FRAS1: variants seen among roughly 807,000 people sequenced by gnomAD.
FRAS1 encodes extracellular matrix organizing protein FRAS1.
FRAS1 carries 290 observed loss-of-function variants against 435.2 expected under a neutral mutation model. The observed-to-expected ratio is 0.67, with a 90% CI of 0.61 to 0.73. The LOEUF is 0.73. Ranked by LOEUF, FRAS1 falls within the 30% of genes least tolerant of loss-of-function variation. FRAS1 has a pLI of 0.00. For missense variants in FRAS1, 4,860 were observed against 5,001.5 expected, an observed-to-expected ratio of 0.97 and a Z score of 0.85; for synonymous variants, 1,800 against 1,851.0, an observed-to-expected ratio of 0.97 and a Z score of 0.71.
chr4:78,377,897 C>G (rs1443260099), intron 26 of FRAS1, among the ~76,000 whole-genome samples: 1 of 151,282 alleles, frequency 6.6e-6, no homozygotes, highest in South Asian at 2.1e-4. Flanking sequence ...TAAAAGATCC[C>G]TATATGATTC....
intron 2 of FRAS1, among the ~76,000 whole-genome samples, chr4:78,163,250 G>A (rs2110026986): frequency 6.6e-6 from 1 of 152,178 alleles, no homozygotes; most frequent in Non-Finnish European, 1.5e-5. Flanking sequence ...CTTTTTATGA[G>A]TAAATTTACA....
intron 2 of FRAS1, among the ~76,000 whole-genome samples, chr4:78,080,269 G>A (rs1273245733): frequency 3.3e-5 from 5 of 152,116 alleles, no homozygotes; most frequent in South Asian, 2.1e-4. Context: ...AAAGCCGACT[G>A]CTTGCTGTCT....
At chr4:78,271,889 C>G (rs1318405624) in intron 9 of FRAS1, among the ~76,000 whole-genome samples, 1 of 152,226 alleles carries the variant, frequency 6.6e-6, no homozygotes, top group Non-Finnish European at 1.5e-5. Flanking sequence ...GGAATTGGCA[C>G]ACTGTCTTCC....
At chr4:78,175,556 A>G (rs989038235) in intron 2 of FRAS1, among the ~76,000 whole-genome samples, 1 of 152,192 alleles carries the variant, frequency 6.6e-6, no homozygotes, top group African/African-American at 2.4e-5. Context: ...AGGGCATTGT[A>G]TAGGGAAACC....
intron 5 of FRAS1, 123 bp from the exon 6 acceptor site, chr4:78,255,119 A>G: frequency 1.1e-6 from 1 of 893,678 alleles, no homozygotes; most frequent in Non-Finnish European, 1.8e-6. Flanking sequence ...TGAACACCAA[A>G]TGCAGGACCT....
In FRAS1 at chr4:78,467,378, A is replaced by G. The variant is rs564120392; in HGVS notation, c.7257+943A>G. 2.6e-5 allele frequency among the ~76,000 whole-genome samples: 4 copies of G among 151,982 alleles called. No individual in the cohort carries two copies. The South Asian group carries it at 8.3e-4, about 32-fold the overall frequency. On this transcript the variant is annotated intron_variant, in intron 50 of 73. Transcript: ENST00000512123. ...TTAAGGGAATGGCCTCCCGTTCTAT[A>G]CATGTTGTTGCAAATGACTGAATCT...
intron 2 of FRAS1, among the ~76,000 whole-genome samples, chr4:78,099,451 T>C (rs1019159521): frequency 2.6e-5 from 4 of 152,294 alleles, no homozygotes; most frequent in East Asian, 3.8e-4. Context: ...TCCTTTTTGG[T>C]CAACCATTTA....
chr4:78,079,152 T>C (rs1246884793), intron 2 of FRAS1, among the ~76,000 whole-genome samples: 1 of 152,264 alleles, frequency 6.6e-6, no homozygotes, highest in Non-Finnish European at 1.5e-5. Context: ...AAAGGCTGAG[T>C]ACTCAATGCA....
At chr4:78,125,572 T>C (rs1719298884) in intron 2 of FRAS1, among the ~76,000 whole-genome samples, 1 of 152,054 alleles carries the variant, frequency 6.6e-6, no homozygotes, top group Admixed American at 6.5e-5. Context: ...TTGATCTGTC[T>C]TTTTTGTTGA....
At chr4:78,483,532 G>A (rs924429422) in intron 58 of FRAS1, among the ~76,000 whole-genome samples, 1 of 151,928 alleles carries the variant, frequency 6.6e-6, no homozygotes, top group Admixed American at 6.6e-5. Flanking sequence ...CCTAGCAGCT[G>A]AGAAGTCCTC....
intron 2 of FRAS1, chr4:78,180,798 C>T: frequency 3.5e-6 from 4 of 1,139,026 alleles, no homozygotes; most frequent in Non-Finnish European, 5.1e-6. Flanking sequence ...CATTTGGAAT[C>T]CTTAAGCATG....
intron 66 of FRAS1, among the ~76,000 whole-genome samples, chr4:78,518,446 A>G (rs1013397809): frequency 9.4e-6 from 1 of 106,896 alleles, no homozygotes; most frequent in South Asian, 4.0e-4. Context: ...ATATATATAT[A>G]TATATATTTA....
intron 18 of FRAS1, among the ~76,000 whole-genome samples, chr4:78,325,103 A>G (rs1729667824): frequency 6.6e-6 from 1 of 152,220 alleles, no homozygotes; most frequent in South Asian, 2.1e-4. Context: ...CAGCAGTCCC[A>G]TCCCTGCCTT....
At chr4:78,266,419 C>A (rs2110154115) in intron 7 of FRAS1, among the ~76,000 whole-genome samples, 1 of 152,342 alleles carries the variant, frequency 6.6e-6, no homozygotes, top group East Asian at 1.9e-4. Flanking sequence ...GAGGTCCCCT[C>A]CGGTTGGACA....
At position 78,387,452 on chromosome 4, in the gene FRAS1, C is replaced by T. The variant is rs1179367025; in HGVS notation, c.3726C>T (p.Asp1242=). ...ERATITTQML[D]IRDDDNPQDV... is the part of the protein sequence containing the mutation. ...CAACCATCACCACCCAGATGCTTGA[C>T]ATCCGAGATGATGACAACCCACAGG... is the stretch of plus-strand genomic sequence containing the variant. The change falls in exon 29 of 74, where the codon GAC becomes GAT. Residue 1242 remains aspartate (D), a synonymous_variant. Transcript: ENST00000512123. The T allele has an allele frequency of 1.2e-6, 2 of 1,613,854 alleles. No individual in the cohort carries two copies. Among genetic ancestry groups the T allele is most frequent in the East Asian group, 2.2e-5 (1 of 44,876 alleles).
At chr4:78,493,069 G>A (rs1270668141) in intron 59 of FRAS1, among the ~76,000 whole-genome samples, 2 of 152,200 alleles carry the variant, frequency 1.3e-5, no homozygotes, top group African/African-American at 2.4e-5. Flanking sequence ...ATCATCACTG[G>A]TTGTTAGAGA....
intron 2 of FRAS1, among the ~76,000 whole-genome samples, chr4:78,133,220 T>C (rs892866680): frequency 2.6e-5 from 4 of 152,210 alleles, no homozygotes; most frequent in Admixed American, 2.0e-4. Flanking sequence ...TGCAACAACA[T>C]GTATGGAACT....
At chr4:78,172,441 G>A (rs566437061) in intron 2 of FRAS1, among the ~76,000 whole-genome samples, 33 of 152,230 alleles carry the variant, frequency 2.2e-4, no homozygotes, top group African/African-American at 7.7e-4. Flanking sequence ...AACAGCATAG[G>A]CTTTGTAATT....
intron 35 of FRAS1, 114 bp from the exon 36 acceptor site, chr4:78,428,981 T>C: frequency 4.6e-6 from 5 of 1,083,950 alleles, no homozygotes; most frequent in Admixed American, 2.2e-5. Context: ...TCTAGCTACA[T>C]ATTTGTGGAA....
Sources: gnomAD v4.1 joint callset for allele counts (sites outside exome capture counted in the v4.1 genomes callset) on GRCh38, gnomAD v4.1.1 for gene constraint, MANE v1.5 for transcripts, NCBI Gene and HGNC (gene_info 2026-07-23, HGNC 2026-07-21) for gene names.